DAP3: variants seen among roughly 807,000 people sequenced by gnomAD.
The protein encoded by DAP3 is small ribosomal subunit protein mS29.
In DAP3, 28 loss-of-function variants were observed where a neutral mutation model predicts 51.9. The ratio of observed to expected loss-of-function variants is 0.54; its 90% CI spans 0.40 to 0.74. The LOEUF is 0.74. DAP3 is among the 30% of genes least tolerant of loss of function. The pLI is 0.00. For missense variants in DAP3, 458 were observed against 483.5 expected, an observed-to-expected ratio of 0.95 and a Z score of 0.49; for synonymous variants, 170 against 170.3, an observed-to-expected ratio of 1.00 and a Z score of 0.01.
intron 7 of DAP3, among the ~76,000 whole-genome samples, chr1:155,728,673 A>C (rs2149192103): frequency 6.6e-6 from 1 of 152,318 alleles, no homozygotes; most frequent in South Asian, 2.1e-4. Context: ...CAGCCTGGCC[A>C]ACATGGCGAA....
At chr1:155,689,328 T>A (rs662116) in intron 1 of DAP3, 154 bp downstream of exon 1, 25,756 of 582,894 alleles carry the variant, frequency 0.044, 5,126 homozygotes, top group African/African-American at 0.42. Context: ...CCCGAGGAAG[T>A]TCGGCGTGGT....
At chr1:155,687,984 G>C, upstream of DAP3, 2 of 1,413,488 alleles carry the variant, frequency 1.4e-6, no homozygotes, top group Non-Finnish European at 1.9e-6. Flanking sequence ...CCAGGTCCGG[G>C]AGATGACAGT....
chr1:155,688,465 G>A (rs1217892930), upstream of DAP3: 25 of 1,549,698 alleles, frequency 1.6e-5, no homozygotes, highest in Middle Eastern at 1.7e-4. Context: ...CTCCGGCCAT[G>A]TAGCGCGCAC....
At chr1:155,689,627 G>T in intron 1 of DAP3, 1 of 359,100 alleles carries the variant, frequency 2.8e-6, no homozygotes, top group Non-Finnish European at 5.4e-6. Flanking sequence ...GAAATAATAA[G>T]ATAGGGCTGG....
At chr1:155,709,715 T>G (rs1558348668) in intron 1 of DAP3, 58 bp from the exon 2 acceptor site, 1 of 1,486,890 alleles carries the variant, frequency 6.7e-7, no homozygotes, top group African/African-American at 1.4e-5. Flanking sequence ...TTTTCCATGT[T>G]GCACACATCT....
chr1:155,688,195 A>T (rs1017809059), upstream of DAP3: 4 of 1,613,998 alleles, frequency 2.5e-6, no homozygotes. Context: ...GCCAGCGGGT[A>T]AGCCGACTGG....
At chr1:155,688,416 C>T, upstream of DAP3, 2 of 1,545,990 alleles carry the variant, frequency 1.3e-6, no homozygotes, top group Non-Finnish European at 1.7e-6. Flanking sequence ...CCACTCCTCC[C>T]TCCTCGCGTT....
intron 2 of DAP3, among the ~76,000 whole-genome samples, chr1:155,711,326 C>G (rs572155081): frequency 2.0e-5 from 3 of 152,186 alleles, no homozygotes; most frequent in Non-Finnish European, 4.4e-5. Flanking sequence ...AACCCCGTCT[C>G]TACTAAAAAT....
intron 5 of DAP3, 137 bp downstream of exon 5, chr1:155,725,627 C>T (rs1018297157): frequency 1.5e-5 from 13 of 839,338 alleles, no homozygotes; most frequent in African/African-American, 5.1e-5. Context: ...GTTTGGGAAG[C>T]CGAGGCAGGC....
chr1:155,690,103 T>C (rs1336587624), intron 1 of DAP3, among the ~76,000 whole-genome samples: 1 of 141,540 alleles, frequency 7.1e-6, no homozygotes, highest in Non-Finnish European at 1.5e-5. Flanking sequence ...TCTTGTTAAA[T>C]AGTTGTATCA....
upstream of DAP3, chr1:155,688,327 G>A (rs111718014): frequency 6.1e-5 from 94 of 1,549,060 alleles, 1 homozygote; most frequent in African/African-American, 8.3e-4. Flanking sequence ...AATGGCGGCG[G>A]CAGCGGCGGC....
chr1:155,688,645 G>A, upstream of DAP3: 4 of 1,534,168 alleles, frequency 2.6e-6, no homozygotes, highest in Non-Finnish European at 3.5e-6. Context: ...TCCAGCGCAG[G>A]CCCTCACGCG....
chr1:155,731,279 A>AG, intron 9 of DAP3, 77 bp from the exon 10 acceptor site: 3 of 1,459,454 alleles, frequency 2.1e-6, no homozygotes, highest in Middle Eastern at 1.7e-4. Flanking sequence ...AAAAAAAAAA[A>AG]TTGTTGTCAA....
chr1:155,721,616 C>T lies in DAP3; in HGVS notation c.268C>T (p.Gln90Ter), dbSNP rs1287295551. 1 of 1,613,978 alleles carries T rather than the reference C, an allele frequency of 6.2e-7. No homozygotes were observed. Among genetic ancestry groups the T allele is most frequent in the Non-Finnish European group, 8.5e-7 (1 of 1,179,962 alleles). ...TGGCCTTCCTCCTCGCTTTGTGATGCAGGTGCTCAAGACAGGGAATGGAAT... is the reference window on the plus strand; with the variant it reads ...TGGCCTTCCTCCTCGCTTTGTGATGTAGGTGCTCAAGACAGGGAATGGAAT... ...PHGLPPRFVM[Q>*]VKTFSEACLM... is the part of the protein sequence containing the mutation. The change falls in exon 4 of 13, where the codon CAG (glutamine) becomes TAG (stop). Residue 90 changes from glutamine to a stop codon, truncating the protein, a stop_gained and splice_region_variant. Coordinates refer to ENST00000368336, the MANE Select transcript of DAP3 (RefSeq NM_004632.4). LOFTEE classifies it high-confidence loss of function.
chr1:155,688,110 AG>A, upstream of DAP3: 1 of 1,610,116 alleles, frequency 6.2e-7, no homozygotes, highest in Non-Finnish European at 8.5e-7. Context: ...CAGGGAAGTG[AG>A]GAAGAGGGGG....
chr1:155,736,268 C>T (rs1436778343), intron 11 of DAP3, among the ~76,000 whole-genome samples: 2 of 152,046 alleles, frequency 1.3e-5, no homozygotes, highest in Admixed American at 1.3e-4. Context: ...CTGGGATTAC[C>T]AGCATGAGCC....
In DAP3 at chr1:155,729,051, CAAGAG is replaced by C; in HGVS notation, c.617_621del (p.Glu206ValfsTer5). ...CTTTGCTTGCTTTTAGATAAAAGTT[CAAGAG>C]AAGTATGTCTGGAATAAGAGAGAAA... On this transcript the variant is annotated frameshift_variant, in exon 8 of 13. Coordinates refer to ENST00000368336, the MANE Select transcript of DAP3 (RefSeq NM_004632.4). LOFTEE classifies it high-confidence loss of function. The C allele has an allele frequency of 6.2e-7, 1 of 1,612,928 alleles. No homozygotes were observed. Among genetic ancestry groups the C allele is most frequent in the African/African-American group, 1.3e-5 (1 of 74,824 alleles).
In DAP3 at chr1:155,727,680, T is replaced by C. The variant is rs765872809; in HGVS notation, c.545T>C (p.Leu182Ser). Reference protein sequence around the residue: ...SYNKQRFDQPLEASTWLKNFK... With the variant: ...SYNKQRFDQPSEASTWLKNFK... Reference sequence around the variant, plus strand: ...AACAAACAGCGCTTTGATCAACCTTTAGAGGCTTCAACCTGGCTGAAGAAT... The same window carrying C: ...AACAAACAGCGCTTTGATCAACCTTCAGAGGCTTCAACCTGGCTGAAGAAT... Residue 182 changes from leucine to serine, a missense_variant, in exon 7 of 13, where the codon TTA (leucine) becomes TCA (serine). By Grantham distance (145) the Leu-to-Ser change is moderately radical (BLOSUM62 -2). Transcript: ENST00000368336. The C allele has an allele frequency of 1.2e-6, 2 of 1,613,928 alleles. No individual in the cohort carries two copies. The highest frequency in any genetic ancestry group is 8.5e-7 in the Non-Finnish European group (1 of 1,179,966).
upstream of DAP3, chr1:155,688,335 G>A (rs1350134587): frequency 1.3e-6 from 2 of 1,551,106 alleles, no homozygotes; most frequent in Non-Finnish European, 1.7e-6. Flanking sequence ...CGGCAGCGGC[G>A]GCAGCAGAGT....
Sources: allele counts gnomAD v4.1 joint callset (sites outside exome capture counted in the v4.1 genomes callset), GRCh38; gene constraint gnomAD v4.1.1; transcripts MANE v1.5; gene names NCBI Gene and HGNC (gene_info 2026-07-23, HGNC 2026-07-21).